The following AACS variants were observed in gnomAD, a reference collection of about 807,000 sequenced individuals.
The protein encoded by AACS is acetoacetyl-CoA synthetase.
AACS carries 69 observed loss-of-function variants against 83.1 expected under a neutral mutation model. That is an observed-to-expected ratio of 0.83 (90% CI 0.68 to 1.01). AACS has a LOEUF of 1.01. Ranked by LOEUF, AACS falls within the 50% of genes least tolerant of loss-of-function variation. The probability of loss-of-function intolerance (pLI) is 0.00; values close to 1 mark genes in which losing one functional copy is unlikely to be tolerated. For missense variants in AACS, 866 were observed against 882.2 expected, an observed-to-expected ratio of 0.98 and a Z score of 0.23; for synonymous variants, 333 against 343.4, an observed-to-expected ratio of 0.97 and a Z score of 0.33.
chr12:125,089,054 C>T (rs771550955), intron 4 of AACS, among the ~76,000 whole-genome samples: 2 of 152,196 alleles, frequency 1.3e-5, no homozygotes, highest in Non-Finnish European at 2.9e-5. Flanking sequence ...GGGCCAGCTC[C>T]TCCTCACTTG....
intron 1 of AACS, among the ~76,000 whole-genome samples, chr12:125,070,882 A>G (rs567760463): frequency 1.3e-5 from 2 of 152,358 alleles, no homozygotes; most frequent in East Asian, 3.9e-4. Context: ...GGGCCCGATG[A>G]GGCAGCTGTT....
Position 125,135,756 on chromosome 12 carries a change from T to A in AACS, c.1678+904T>A, listed in dbSNP as rs534135356. The A allele has an allele frequency of 3.1e-3, 469 of 152,126 alleles. 3 individuals are homozygous for A. The highest frequency in any genetic ancestry group is 9.9e-3 in the African/African-American group (410 of 41,486). 9.4% of individuals were successfully genotyped at this position (152,126 alleles called of 1,614,324 possible). On this transcript the variant is annotated intron_variant, in intron 16 of 17. Transcript: ENST00000316519. ...GCACCTGCTTTCTTTTTTAAAAAAA[T>A]TTTTTTTTGAGACAGGGTCTTACTC...
chr12:125,093,212 C>CGT (rs1956526879), intron 5 of AACS, among the ~76,000 whole-genome samples: 1 of 152,214 alleles, frequency 6.6e-6, no homozygotes. Context: ...CTGGGAGAGC[C>CGT]GTGTGTGGCA....
At chr12:125,134,640 G>A (rs1023546660) in intron 15 of AACS, among the ~76,000 whole-genome samples, 154 bp from the exon 16 acceptor site, 3 of 152,160 alleles carry the variant, frequency 2.0e-5, no homozygotes, top group Non-Finnish European at 2.9e-5. Flanking sequence ...AGAAAGAGCC[G>A]GGTGGTAGGG....
chr12:125,110,365 C>T (rs560298290), intron 8 of AACS, among the ~76,000 whole-genome samples: 4 of 152,106 alleles, frequency 2.6e-5, no homozygotes, highest in African/African-American at 4.8e-5. Context: ...GCCGTCACGC[C>T]CAGCTGAATG....
chr12:125,109,040 C>G (rs1007119814), intron 8 of AACS, among the ~76,000 whole-genome samples: 3 of 151,994 alleles, frequency 2.0e-5, no homozygotes, highest in Admixed American at 6.6e-5. Flanking sequence ...TAGAGAACCT[C>G]TAGAAAAGCT....
At chr12:125,121,540 T>C (rs1957152737) in intron 10 of AACS, 2 of 152,350 alleles carry the variant, frequency 1.3e-5, no homozygotes, top group Non-Finnish European at 2.9e-5. Flanking sequence ...CAAAGAGCAT[T>C]TATTTTGTAG....
chr12:125,107,239 G>T lies in AACS; in HGVS notation c.886G>T (p.Ala296Ser), dbSNP rs1259992246. 1 of 1,613,802 alleles carries T rather than the reference G, an allele frequency of 6.2e-7. No homozygotes were observed. Among genetic ancestry groups the T allele is most frequent in the East Asian group, 2.2e-5 (1 of 44,904 alleles). ...CATGTTCTCATCGGGCACCACGGGC[G>T]CACCCAAGTGCATGGTGCATTCCGC... The part of the protein sequence containing the change: ...FIMFSSGTTG[A>S]PKCMVHSAGG... Residue 296 changes from alanine to serine, a missense_variant, in exon 8 of 18, where the codon GCA (alanine) becomes TCA (serine). By Grantham distance (99) the Ala-to-Ser change is moderately conservative (BLOSUM62 1). Transcript: ENST00000316519.
At chr12:125,068,113 T>C (rs1408420793) in intron 1 of AACS, among the ~76,000 whole-genome samples, 1 of 152,156 alleles carries the variant, frequency 6.6e-6, no homozygotes, top group African/African-American at 2.4e-5. Flanking sequence ...TGGTGGCCCA[T>C]GGGCCAGGTC....
At chr12:125,070,183 C>T (rs1565919158) in intron 1 of AACS, among the ~76,000 whole-genome samples, 2 of 152,132 alleles carry the variant, frequency 1.3e-5, no homozygotes, top group African/African-American at 2.4e-5. Flanking sequence ...ATTTTACAAG[C>T]GGTTGCGGTT....
chr12:125,096,783 C>A (rs1213779985), intron 5 of AACS, among the ~76,000 whole-genome samples: 1 of 151,940 alleles, frequency 6.6e-6, no homozygotes, highest in Non-Finnish European at 1.5e-5. Flanking sequence ...CCAGGAAGGG[C>A]AGGCACTTGC....
At chr12:125,088,321 C>T (rs547927100) in intron 4 of AACS, among the ~76,000 whole-genome samples, 11 of 150,754 alleles carry the variant, frequency 7.3e-5, no homozygotes, top group African/African-American at 2.7e-4. Context: ...CAGCCTCGAA[C>T]TCCTGGGCTC....
Position 125,136,863 on chromosome 12 carries a change from C to T in AACS, c.1880C>T (p.Pro627Leu), listed in dbSNP as rs780417229. Residue 627 changes from proline (P) to leucine (L), a missense_variant and splice_region_variant, in exon 17 of 18, where the codon CCG becomes CTG. By Grantham distance (98) the Pro-to-Leu change is moderately conservative (BLOSUM62 -3). Coordinates refer to ENST00000316519, the MANE Select transcript of AACS (RefSeq NM_023928.5). ...CTCATCCTGGAAACCAAGGGCATCCCGGTATGGCCATCTCCCGCCAGCGAG... is the reference window on the plus strand; with the variant it reads ...CTCATCCTGGAAACCAAGGGCATCCTGGTATGGCCATCTCCCGCCAGCGAG... ...PSLILETKGI[P>L]YTLNGKKVEV... The T allele has an allele frequency of 1.3e-5, 21 of 1,612,626 alleles. No individual in the cohort carries two copies. Among genetic ancestry groups the T allele is most frequent in the South Asian group, 3.3e-5 (3 of 91,048 alleles).
intron 4 of AACS, among the ~76,000 whole-genome samples, chr12:125,089,362 C>T (rs1273822094): frequency 1.3e-5 from 2 of 152,120 alleles, no homozygotes; most frequent in East Asian, 3.9e-4. Flanking sequence ...GACTAGGGAC[C>T]CCTGGGGGCA....
At chr12:125,077,928 C>T (rs1316980613) in intron 3 of AACS, among the ~76,000 whole-genome samples, 1 of 152,080 alleles carries the variant, frequency 6.6e-6, no homozygotes. Flanking sequence ...AGGCTGGTCT[C>T]GAACTCCTGA....
intron 8 of AACS, among the ~76,000 whole-genome samples, chr12:125,109,613 G>A (rs1043496367): frequency 6.6e-6 from 1 of 151,254 alleles, no homozygotes; most frequent in Non-Finnish European, 1.5e-5. Flanking sequence ...TGTGTAGCGC[G>A]CTCATCAAAT....
intron 5 of AACS, among the ~76,000 whole-genome samples, chr12:125,096,396 ATC>A (rs1301495632): frequency 7.9e-5 from 12 of 152,258 alleles, no homozygotes; most frequent in African/African-American, 2.9e-4. Flanking sequence ...CTCTCGGTCC[ATC>A]TTAGAATCCC....
chr12:125,134,995 T>A, intron 16 of AACS, 143 bp downstream of exon 16: 1 of 947,180 alleles, frequency 1.1e-6, no homozygotes, highest in Non-Finnish European at 1.6e-6. Context: ...CCTGACCTCC[T>A]TTCCAGAACA....
At chr12:125,103,142 G>A (rs1398238881) in intron 7 of AACS, 61 bp downstream of exon 7, 6 of 1,438,520 alleles carry the variant, frequency 4.2e-6, no homozygotes, top group African/African-American at 1.4e-5. Context: ...CTGCGGGGAA[G>A]TAGGCCTCTG....
Sources: gnomAD v4.1 joint callset for allele counts (sites outside exome capture counted in the v4.1 genomes callset) on GRCh38, gnomAD v4.1.1 for gene constraint, MANE v1.5 for transcripts, NCBI Gene and HGNC (gene_info 2026-07-23, HGNC 2026-07-21) for gene names.